Variants in CYP4X1 observed in about 807,000 individuals in gnomAD.
CYP4X1 encodes cytochrome P450 family 4 subfamily X member 1.
In CYP4X1, 44 loss-of-function variants were observed where a neutral mutation model predicts 57.9. That is an observed-to-expected ratio of 0.76 (90% confidence interval 0.60 to 0.98). The LOEUF (loss-of-function observed/expected upper bound fraction) is 0.98. CYP4X1 is among the 50% of genes least tolerant of loss of function. The pLI, the probability that CYP4X1 is intolerant of heterozygous loss-of-function variation, is 0.00. For synonymous variants in CYP4X1, 227 were observed against 228.6 expected, an observed-to-expected ratio of 0.99 and a Z score of 0.06; for missense variants, 532 against 623.9, an observed-to-expected ratio of 0.85 and a Z score of 1.57.
chr1:46,968,711 G>A, the CYP4X1 span, among the ~76,000 whole-genome samples: 1 of 152,130 alleles, frequency 6.6e-6, no homozygotes, highest in South Asian at 2.1e-4. Context: ...GTGAGTGAGT[G>A]AAAGGATGGA....
At chr1:46,972,774 T>C in the CYP4X1 span, among the ~76,000 whole-genome samples, 5 of 152,262 alleles carry the variant, frequency 3.3e-5, no homozygotes, top group East Asian at 1.9e-4. Flanking sequence ...GTGATTTTTA[T>C]AGAATGATTT....
intron 8 of CYP4X1, among the ~76,000 whole-genome samples, chr1:47,042,274 C>T (rs1046290902): frequency 2.5e-4 from 34 of 136,302 alleles, no homozygotes; most frequent in African/African-American, 8.1e-4. Context: ...TTATTCCATA[C>T]GAATTTTAGG....
the CYP4X1 span, among the ~76,000 whole-genome samples, chr1:46,993,704 G>A: frequency 6.6e-6 from 1 of 152,166 alleles, no homozygotes; most frequent in East Asian, 1.9e-4. Context: ...TTTTTCGTGT[G>A]TCTTTTGGCT....
At chr1:46,998,348 T>C in the CYP4X1 span, among the ~76,000 whole-genome samples, 4,047 of 152,216 alleles carry the variant, frequency 0.027, 173 homozygotes, top group African/African-American at 0.092. Flanking sequence ...CTTAATTTTT[T>C]ACTTTTTGTA....
the CYP4X1 span, among the ~76,000 whole-genome samples, chr1:46,973,087 A>AT: frequency 1.3e-5 from 2 of 151,798 alleles, no homozygotes; most frequent in African/African-American, 4.8e-5. Context: ...TATAGCTCTT[A>AT]TTTTTTTAGG....
At chr1:46,977,191 A>G in the CYP4X1 span, among the ~76,000 whole-genome samples, 4 of 152,164 alleles carry the variant, frequency 2.6e-5, no homozygotes, top group Non-Finnish European at 5.9e-5. Context: ...CTAAAGGAGG[A>G]TGTTCAAACC....
downstream of CYP4X1, among the ~76,000 whole-genome samples, chr1:47,052,014 A>G (rs538830293): frequency 1.3e-5 from 2 of 152,112 alleles, no homozygotes; most frequent in South Asian, 2.1e-4. Flanking sequence ...GGTCTTACCT[A>G]TTTGGGGTCA....
the CYP4X1 span, among the ~76,000 whole-genome samples, chr1:47,012,460 T>A: frequency 6.6e-6 from 1 of 151,996 alleles, no homozygotes; most frequent in Non-Finnish European, 1.5e-5. Flanking sequence ...CTAAGGTAAA[T>A]GACGAGTTAA....
At chr1:46,967,065 C>T in the CYP4X1 span, among the ~76,000 whole-genome samples, 1 of 152,162 alleles carries the variant, frequency 6.6e-6, no homozygotes, top group African/African-American at 2.4e-5. Context: ...AAATGCTATT[C>T]CAGATGTTGT....
the CYP4X1 span, among the ~76,000 whole-genome samples, chr1:46,981,375 GA>G: frequency 1.3e-5 from 2 of 152,052 alleles, no homozygotes. Context: ...AAAGACACAT[GA>G]AAAAAAGCTC....
upstream of CYP4X1, chr1:47,023,635 T>A: frequency 7.5e-7 from 1 of 1,332,012 alleles, no homozygotes. Flanking sequence ...CACGCGCGCC[T>A]GCCTCCTCTC....
Position 47,050,063 on chromosome 1 carries a change from C to G in CYP4X1, c.1419C>G (p.Leu473=). The change falls in exon 12 of 12, where the codon CTC becomes CTG. Residue 473 remains leucine, a synonymous_variant. Coordinates refer to ENST00000371901, the MANE Select transcript of CYP4X1 (RefSeq NM_178033.2). ...ELKVTIALIL[L]HFRVTPDPTR... ...AGGTAACCATTGCCTTGATTCTGCT[C>G]CACTTCAGAGTGACTCCAGACCCCA... is the stretch of plus-strand genomic sequence containing the variant. 1 of 1,613,984 alleles carries G rather than the reference C, an allele frequency of 6.2e-7. No individual in the cohort carries two copies. Among genetic ancestry groups the G allele is most frequent in the Non-Finnish European group, 8.5e-7 (1 of 1,179,972 alleles).
the CYP4X1 span, among the ~76,000 whole-genome samples, chr1:46,980,214 A>G: frequency 2.6e-5 from 4 of 152,366 alleles, no homozygotes; most frequent in East Asian, 5.8e-4. Flanking sequence ...ACATGATTTT[A>G]TATTTAGAAA....
chr1:47,041,879 CTA>C (rs1644249928), intron 8 of CYP4X1, among the ~76,000 whole-genome samples: 1 of 151,948 alleles, frequency 6.6e-6, no homozygotes. Flanking sequence ...AAGCTTTTCT[CTA>C]TGTTTTTTTC....
In CYP4X1 at chr1:47,048,599, C is replaced by T. The variant is rs377150123; in HGVS notation, c.1242C>T (p.His414=). The change falls in exon 10 of 12, where the codon CAC becomes CAT. Residue 414 remains histidine, a synonymous_variant. Coordinates refer to ENST00000371901, the MANE Select transcript of CYP4X1 (RefSeq NM_178033.2). ...TGGTTCTTAGTATTTGGGGTCTTCACCACAACCCTGCTGTCTGGAAAAACC... is the reference window on the plus strand; with the variant it reads ...TGGTTCTTAGTATTTGGGGTCTTCATCACAACCCTGCTGTCTGGAAAAACC... ...ITVVLSIWGL[H]HNPAVWKNPK... is the part of the protein sequence containing the mutation. 1.2e-6 allele frequency: 2 copies of T among 1,613,994 alleles called. No homozygotes were observed. The highest frequency in any genetic ancestry group is 1.7e-6 in the Non-Finnish European group (2 of 1,179,956).
chr1:46,989,038 G>A, the CYP4X1 span, among the ~76,000 whole-genome samples: 324 of 152,286 alleles, frequency 2.1e-3, no homozygotes, highest in African/African-American at 7.2e-3. Context: ...AGTATTGGCA[G>A]TTCTGGCCAG....
At chr1:46,991,556 G>A in the CYP4X1 span, among the ~76,000 whole-genome samples, 3 of 152,202 alleles carry the variant, frequency 2.0e-5, no homozygotes, top group Non-Finnish European at 2.9e-5. Flanking sequence ...CCATGGAGCT[G>A]TATACACTTA....
At chr1:47,028,764 G>T (rs981186004) in intron 1 of CYP4X1, among the ~76,000 whole-genome samples, 3 of 152,122 alleles carry the variant, frequency 2.0e-5, no homozygotes, top group Non-Finnish European at 4.4e-5. Flanking sequence ...CAAAGGCCTT[G>T]TCTTCCTTAT....
the CYP4X1 span, among the ~76,000 whole-genome samples, chr1:46,984,316 T>G: frequency 6.8e-6 from 1 of 146,828 alleles, no homozygotes; most frequent in Non-Finnish European, 1.5e-5. Flanking sequence ...TGAATCCCAA[T>G]GTGTCCTCTG....
Sources: allele counts gnomAD v4.1 joint callset (sites outside exome capture counted in the v4.1 genomes callset), GRCh38; gene constraint gnomAD v4.1.1; transcripts MANE v1.5; gene names NCBI Gene and HGNC (gene_info 2026-07-23, HGNC 2026-07-21).